HPD: variants seen among roughly 807,000 people sequenced by gnomAD.
HPD encodes the protein 4-hydroxyphenylpyruvate dioxygenase.
In HPD, 35 loss-of-function variants were observed where a neutral mutation model predicts 56.9. That is an observed-to-expected ratio of 0.62 (90% CI 0.47 to 0.82). The LOEUF (loss-of-function observed/expected upper bound fraction) is 0.82, where lower values mean the gene tolerates loss of function less well. Among genes scored for constraint, HPD ranks in the 40% least tolerant of loss-of-function variants. HPD has a pLI of 0.00. For synonymous variants in HPD, 186 were observed against 200.2 expected (o/e 0.93, Z 0.60); for missense variants, 442 against 506.8 (o/e 0.87, Z 1.23).
chr12:121,856,624 A>C lies in HPD; in HGVS notation c.200T>G (p.Ile67Ser). ...GAGCGCTGAGGAGAGGACAAACACA[A>C]TCTAAGATAGGAGGAGAAGGAGGTG... is the stretch of plus-strand genomic sequence containing the variant. ...VVSHVIKQGKIVFVLSSALNP... is the reference protein window; with the variant it reads ...VVSHVIKQGKSVFVLSSALNP... Residue 67 changes from isoleucine to serine, a missense_variant and splice_region_variant, in exon 5 of 14, where the codon ATT (isoleucine) becomes AGT (serine). By Grantham distance (142) the Ile-to-Ser change is moderately radical. Transcript: ENST00000289004. 1 of 1,613,324 alleles carries C rather than the reference A, an allele frequency of 6.2e-7. No homozygotes were observed. Among genetic ancestry groups the C allele is most frequent in the Non-Finnish European group, 8.5e-7 (1 of 1,179,354 alleles).
At chr12:121,856,267 G>A in intron 6 of HPD, 57 bp downstream of exon 6, 2 of 1,368,738 alleles carry the variant, frequency 1.5e-6, no homozygotes, top group Admixed American at 3.3e-5. Flanking sequence ...CTGACTGATG[G>A]GGTCCCCATG....
Position 121,843,922 on chromosome 12 carries a change from TC to T in HPD, c.832-91del, listed in dbSNP as rs531402196. 701 of 1,506,964 alleles carry T rather than the reference TC, an allele frequency of 4.7e-4. 1 individual carries two copies. The highest frequency in any genetic ancestry group is 1.1e-3 in the Middle Eastern group (6 of 5,674). The allele number at this position is 1,506,964 out of a possible 1,614,324, so 93.3% of individuals were successfully genotyped here. On this transcript the variant is annotated intron_variant, in intron 11 of 13. Coordinates refer to ENST00000289004, the MANE Select transcript of HPD (RefSeq NM_002150.3). The stretch of plus-strand genomic sequence containing the variant: ...GGTGCTGGGTCATCAGGATACAGGG[TC>T]CCTATCCTAGCTCCCCTCAACTGCC...
chr12:121,865,485 G>A (rs940507343), upstream of HPD, among the ~76,000 whole-genome samples: 2 of 149,662 alleles, frequency 1.3e-5, no homozygotes, highest in Non-Finnish European at 3.0e-5. Flanking sequence ...GGCCAGGCTG[G>A]TCTCACACCC....
At chr12:121,887,970 G>C in the HPD span, among the ~76,000 whole-genome samples, 1 of 152,144 alleles carries the variant, frequency 6.6e-6, no homozygotes, top group Admixed American at 6.6e-5. Context: ...TAGGTAAGCT[G>C]GGTTGGAATT....
At position 121,843,626 on chromosome 12, in the gene HPD, C is replaced by T. The variant is rs1877476547; in HGVS notation, c.954+84G>A. The T allele has an allele frequency of 5.2e-6, 8 of 1,541,812 alleles. No individual in the cohort carries two copies. In the South Asian group the frequency reaches 8.0e-5, roughly 15 times the overall value. On this transcript the variant is annotated intron_variant, in intron 12 of 13. Transcript: ENST00000289004. Reference sequence around the variant, plus strand: ...GCAGGGACTTGGTCTGGGCTCCCCTCCGGGCTGAGACAATATTTCTGAAAA... The same window carrying T: ...GCAGGGACTTGGTCTGGGCTCCCCTTCGGGCTGAGACAATATTTCTGAAAA...
At chr12:121,855,965 C>T (rs564218647) in intron 6 of HPD, among the ~76,000 whole-genome samples, 486 of 81,208 alleles carry the variant, frequency 6.0e-3, no homozygotes, top group Middle Eastern at 0.018. Context: ...AGCAAAACTC[C>T]GTCTCACAAA....
At chr12:121,841,827 G>T (rs1353974498) in intron 12 of HPD, among the ~76,000 whole-genome samples, 1 of 152,078 alleles carries the variant, frequency 6.6e-6, no homozygotes, top group East Asian at 1.9e-4. Context: ...TGGGATTACA[G>T]GCATCTGCTA....
rs1878095278 is a variant in HPD at position 121,858,715 on chromosome 12, TA to T, written c.4-3del. On this transcript the variant is annotated splice_region_variant and splice_polypyrimidine_tract_variant and intron_variant, in intron 1 of 13. Transcript: ENST00000289004. ...TGCCCCTTTGTCACTGTAAGTCGTCTAAGGAGAAAAAGAAGGACAGTGAGAC... is the reference window on the plus strand; with the variant it reads ...TGCCCCTTTGTCACTGTAAGTCGTCTAGGAGAAAAAGAAGGACAGTGAGAC... 6.2e-7 allele frequency: 1 copy of T among 1,614,014 alleles called. No homozygotes were observed. Among genetic ancestry groups the T allele is most frequent in the African/African-American group, 1.3e-5 (1 of 74,916 alleles).
At chr12:121,866,300 C>CAA (rs71453584), upstream of HPD, among the ~76,000 whole-genome samples, 1 of 95,054 alleles carries the variant, frequency 1.1e-5, no homozygotes, top group Non-Finnish European at 2.0e-5. Flanking sequence ...GACTCCGCCT[C>CAA]AAAAAAAAAA....
At chr12:121,862,592 C>T (rs1487430028), upstream of HPD, among the ~76,000 whole-genome samples, 7 of 119,492 alleles carry the variant, frequency 5.9e-5, no homozygotes, top group African/African-American at 2.0e-4. Context: ...CCACCGCTCT[C>T]GGCCTTTTTT....
chr12:121,849,407 C>T (rs1315299581), intron 8 of HPD, among the ~76,000 whole-genome samples: 1 of 152,068 alleles, frequency 6.6e-6, no homozygotes, highest in African/African-American at 2.4e-5. Context: ...CCCCATTTTA[C>T]AGATGAAGAA....
intron 11 of HPD, 74 bp downstream of exon 11, chr12:121,846,788 G>T: frequency 7.1e-7 from 1 of 1,411,914 alleles, no homozygotes; most frequent in Non-Finnish European, 1.0e-6. Context: ...GCCGCCACCC[G>T]CCCTCTCAAT....
chr12:121,855,312 G>A (rs191333213), intron 6 of HPD, among the ~76,000 whole-genome samples: 10 of 152,274 alleles, frequency 6.6e-5, no homozygotes, highest in East Asian at 5.8e-4. Context: ...TCACTTGCCC[G>A]AAGTCACACG....
upstream of HPD, among the ~76,000 whole-genome samples, chr12:121,865,075 C>T (rs891603908): frequency 6.6e-6 from 1 of 151,918 alleles, no homozygotes; most frequent in Non-Finnish European, 1.5e-5. Context: ...CGAGACCAGC[C>T]TAGTCAACAT....
chr12:121,862,596 C>CTTTTTT (rs146807602), upstream of HPD, among the ~76,000 whole-genome samples: 1 of 43,068 alleles, frequency 2.3e-5, no homozygotes, highest in African/African-American at 1.4e-4. Flanking sequence ...CGCTCTCGGC[C>CTTTTTT]TTTTTTTTTT....
chr12:121,848,982 G>C lies in HPD; in HGVS notation c.596+17C>G. 1 of 1,602,572 alleles carries C rather than the reference G, an allele frequency of 6.2e-7. No individual in the cohort carries two copies. The highest frequency in any genetic ancestry group is 8.5e-7 in the Non-Finnish European group (1 of 1,169,774). ...GACCCGTCATCTTCACGCAGAGGGA[G>C]AGGGCCAAGGTCTCACCATTCGGAG... On this transcript the variant is annotated intron_variant, in intron 9 of 13. Coordinates refer to ENST00000289004, the MANE Select transcript of HPD (RefSeq NM_002150.3).
At chr12:121,882,201 G>A in the HPD span, among the ~76,000 whole-genome samples, 1 of 152,214 alleles carries the variant, frequency 6.6e-6, no homozygotes, top group South Asian at 2.1e-4. Flanking sequence ...GAAACGAGGG[G>A]AGGATTTGTC....
Position 121,839,716 on chromosome 12 carries a change from G to A in HPD, c.*12C>T, listed in dbSNP as rs1334107659. On this transcript the variant is annotated 3_prime_UTR_variant, in exon 14 of 14. Coordinates refer to ENST00000289004, the MANE Select transcript of HPD (RefSeq NM_002150.3). ...GGCTGTGTGGCTGTGGCCTCCGTGG[G>A]GTGGGCGGGGCTTACATGCCGGGCA... 1.3e-5 allele frequency: 20 copies of A among 1,588,646 alleles called. No homozygotes were observed. The highest frequency in any genetic ancestry group is 2.7e-5 in the African/African-American group (2 of 74,458).
chr12:121,871,499 C>T, the HPD span, among the ~76,000 whole-genome samples: 1 of 152,188 alleles, frequency 6.6e-6, no homozygotes, highest in Admixed American at 6.5e-5. Context: ...CAGAACCTCA[C>T]CCCTCCCCTG....
Sources: allele counts gnomAD v4.1 joint callset (sites outside exome capture counted in the v4.1 genomes callset), GRCh38; gene constraint gnomAD v4.1.1; transcripts MANE v1.5; gene names NCBI Gene and HGNC (gene_info 2026-07-23, HGNC 2026-07-21).